Variants in TPPP observed in about 807,000 individuals in gnomAD.
The protein encoded by TPPP is tubulin polymerization-promoting protein.
Under a neutral mutation model 15.5 loss-of-function variants are expected in TPPP, and 6 were observed. That is an observed-to-expected ratio of 0.39 (90% CI 0.21 to 0.77). The LOEUF (loss-of-function observed/expected upper bound fraction) is 0.77, where lower values mean the gene tolerates loss of function less well. Among genes scored for constraint, TPPP ranks in the 30% least tolerant of loss-of-function variants. TPPP has a pLI of 0.42. For synonymous variants in TPPP, 146 were observed against 133.9 expected (o/e 1.09, Z -0.63); for missense variants, 269 against 307.2 (o/e 0.88, Z 0.93).
intron 2 of TPPP, among the ~76,000 whole-genome samples, chr5:669,804 G>A (rs971176071): frequency 6.6e-6 from 1 of 151,986 alleles, no homozygotes; most frequent in Non-Finnish European, 1.5e-5. Context: ...AGACCCGGGT[G>A]CCCCCCGCCT....
intron 1 of TPPP, among the ~76,000 whole-genome samples, chr5:684,349 G>A (rs989918726): frequency 2.6e-5 from 4 of 152,190 alleles, no homozygotes; most frequent in African/African-American, 9.7e-5. Flanking sequence ...GGGCTGAGGA[G>A]AAAGTCTCCA....
chr5:670,803 C>T (rs956727512), intron 2 of TPPP, among the ~76,000 whole-genome samples: 7 of 152,204 alleles, frequency 4.6e-5, no homozygotes, highest in East Asian at 1.9e-4. Context: ...CGACAGAGGT[C>T]GGTGGCAAGC....
upstream of TPPP, among the ~76,000 whole-genome samples, chr5:696,576 A>G (rs1288726003): frequency 2.2e-5 from 3 of 139,246 alleles, no homozygotes; most frequent in East Asian, 5.9e-4. Flanking sequence ...GCTACAGCCT[A>G]GGTGCATGAG....
chr5:664,265 C>G lies in TPPP; in HGVS notation c.*837G>C, dbSNP rs1312899010. The G allele has an allele frequency of 6.6e-6, 1 of 152,410 alleles. No individual in the cohort carries two copies. The highest frequency in any genetic ancestry group is 2.4e-5 in the African/African-American group (1 of 41,440). The allele number at this position is 152,410 out of a possible 1,614,324, so 9.4% of individuals were successfully genotyped here. A position where few individuals can be genotyped will look rare whatever the true frequency, so the allele number is the denominator to read the frequency against. ...CGGTGAGGCGAGGAGTGTCTCGGCA[C>G]TTCGTGTCTCTTGCCTGGCAACACC... On this transcript the variant is annotated 3_prime_UTR_variant, in exon 4 of 4. Transcript: ENST00000360578.
Position 677,811 on chromosome 5 carries a change from G to C in TPPP, c.250C>G (p.Gln84Glu). 2 of 1,606,072 alleles carry C rather than the reference G, an allele frequency of 1.2e-6. No individual in the cohort carries two copies. Among genetic ancestry groups the C allele is most frequent in the Admixed American group, 1.7e-5 (1 of 59,516 alleles). Residue 84 changes from glutamine to glutamate, a missense_variant, in exon 2 of 4, where the codon CAG (glutamine) becomes GAG (glutamate). Transcript: ENST00000360578. ...GTCACGTTCCTGCCGTCGATCACCT[G>C]GCAGTCCTTGCACAGCTTCGACCAG... is the stretch of plus-strand genomic sequence containing the variant. ...KNWSKLCKDC[Q>E]VIDGRNVTVT...
chr5:672,419 C>T (rs753761367), intron 2 of TPPP, among the ~76,000 whole-genome samples: 33 of 152,278 alleles, frequency 2.2e-4, no homozygotes, highest in Non-Finnish European at 3.8e-4. Flanking sequence ...GGAAAATACA[C>T]CACACCCAGC....
the TPPP span, among the ~76,000 whole-genome samples, chr5:699,076 T>C: frequency 4.6e-5 from 7 of 152,018 alleles, no homozygotes; most frequent in Non-Finnish European, 1.0e-4. Flanking sequence ...TGTTAAAAAT[T>C]ATCATACTGT....
intron 2 of TPPP, among the ~76,000 whole-genome samples, chr5:668,228 G>T (rs75658514): frequency 3.4e-4 from 25 of 74,430 alleles, no homozygotes; most frequent in African/African-American, 1.3e-3. Context: ...CAGAGAGGGG[G>T]CCGTGTGGGC....
chr5:674,353 G>T (rs1026652883), intron 2 of TPPP, among the ~76,000 whole-genome samples: 2 of 152,198 alleles, frequency 1.3e-5, no homozygotes, highest in Non-Finnish European at 2.9e-5. Flanking sequence ...AGCACTGGGG[G>T]GCACAGGGGC....
chr5:692,981 C>T (rs1361457414), intron 1 of TPPP: 2 of 694,392 alleles, frequency 2.9e-6, no homozygotes, highest in Non-Finnish European at 3.6e-6. Flanking sequence ...GCCAAAGCGC[C>T]AGGCACAGGG....
chr5:670,914 C>T (rs1264415293), intron 2 of TPPP, among the ~76,000 whole-genome samples: 1 of 152,192 alleles, frequency 6.6e-6, no homozygotes, highest in Admixed American at 6.5e-5. Flanking sequence ...AGGGCTTCTC[C>T]CCTCATCTCA....
At chr5:685,080 G>A (rs535743095) in intron 1 of TPPP, among the ~76,000 whole-genome samples, 20 of 152,236 alleles carry the variant, frequency 1.3e-4, no homozygotes, top group African/African-American at 4.8e-4. Context: ...AGAGGTGCCC[G>A]GTCCAGAGAG....
At chr5:665,938 C>CCCCCCCCCCCCAA in intron 3 of TPPP, 32 bp downstream of exon 3, 2 of 1,366,592 alleles carry the variant, frequency 1.5e-6, no homozygotes, top group Non-Finnish European at 1.9e-6. Context: ...CCACCCCCTC[C>CCCCCCCCCCCCAA]AGGCCCCGCC....
At chr5:675,503 C>CAG (rs1740398110) in intron 2 of TPPP, among the ~76,000 whole-genome samples, 12 of 31,530 alleles carry the variant, frequency 3.8e-4, no homozygotes, top group South Asian at 2.8e-3. Context: ...GTGGCCGGGG[C>CAG]TGCAGTGTGA....
chr5:676,933 C>T (rs572852273), intron 2 of TPPP, among the ~76,000 whole-genome samples: 51 of 149,628 alleles, frequency 3.4e-4, no homozygotes, highest in African/African-American at 1.2e-3. Context: ...AACGCACGCG[C>T]GCACACGACG....
At position 673,049 on chromosome 5, in the gene TPPP, G is replaced by A. The variant is rs976894980; in HGVS notation, c.311+4701C>T. ...TCCACAAGTCCTGTCAGAGTCAGCA[G>A]CTTTCTGCAGTACCGAAGGCCACTT... On this transcript the variant is annotated intron_variant, in intron 2 of 3. Transcript: ENST00000360578. Among the ~76,000 whole-genome samples, 11 of 152,294 alleles carry A rather than the reference G, an allele frequency of 7.2e-5. No individual in the cohort carries two copies. In the East Asian group the frequency reaches 1.5e-3, roughly 21 times the overall value.
At chr5:698,751 G>A in the TPPP span, among the ~76,000 whole-genome samples, 6 of 151,928 alleles carry the variant, frequency 3.9e-5, no homozygotes, top group Non-Finnish European at 8.8e-5. Context: ...TGAGATTTGG[G>A]TGCGGACACA....
intron 2 of TPPP, among the ~76,000 whole-genome samples, chr5:673,465 G>T (rs929810442): frequency 6.6e-6 from 1 of 152,008 alleles, no homozygotes; most frequent in Non-Finnish European, 1.5e-5. Context: ...TGAATGGGGA[G>T]GGGGGGAGGT....
chr5:693,526 A>C (rs1740955170), upstream of TPPP: 3 of 151,220 alleles, frequency 2.0e-5, no homozygotes. Flanking sequence ...GCGCGGGCGC[A>C]CCGAGACCTC....
Sources: gnomAD v4.1 joint callset for allele counts (sites outside exome capture counted in the v4.1 genomes callset) on GRCh38, gnomAD v4.1.1 for gene constraint, MANE v1.5 for transcripts, NCBI Gene and HGNC (gene_info 2026-07-23, HGNC 2026-07-21) for gene names.